The following LYST variants were observed in gnomAD, a reference collection of about 807,000 sequenced individuals.
LYST encodes the protein lysosomal trafficking regulator.
In LYST, 192 loss-of-function variants were observed where a neutral mutation model predicts 413.6. The observed-to-expected ratio is 0.46, with a 90% CI of 0.41 to 0.52. The LOEUF (loss-of-function observed/expected upper bound fraction) is 0.52. LYST is among the 20% of genes least tolerant of loss of function. LYST has a pLI of 0.00. For missense variants in LYST, 3,815 were observed against 4,499.9 expected, an observed-to-expected ratio of 0.85 and a Z score of 4.35; for synonymous variants, 1,525 against 1,567.3, an observed-to-expected ratio of 0.97 and a Z score of 0.64.
In LYST at chr1:235,741,469, G is replaced by T. The variant is rs1030857469; in HGVS notation, c.8311C>A (p.Pro2771Thr). The change falls in exon 31 of 53, where the codon CCA becomes ACA. Residue 2771 changes from proline to threonine, a missense_variant. Pro to Thr is a conservative substitution (Grantham distance 38). Around this residue, in one of 4 missense-constraint regions of LYST, gnomAD observed 771 missense variants for 837.1 expected, o/e 0.92. Transcript: ENST00000389793. ...RKQIFEIVHEPNHQEILRDCL... is the reference protein window; with the variant it reads ...RKQIFEIVHETNHQEILRDCL... The stretch of plus-strand genomic sequence containing the variant: ...TCTCGTAGTATTTCCTGATGATTTG[G>T]TTCATGAACTATTTCAAAAATTTGC... 2.9e-5 allele frequency: 46 copies of T among 1,613,954 alleles called. No homozygotes were observed. The Admixed American group carries it at 5.7e-4, about 20-fold the overall frequency.
chr1:235,863,419 GATTT>G (rs1260999323), intron 1 of LYST, among the ~76,000 whole-genome samples: 1 of 149,400 alleles, frequency 6.7e-6, no homozygotes, highest in Non-Finnish European at 1.5e-5. Flanking sequence ...AAAGGCGAAA[GATTT>G]ATACAATTTG....
At chr1:235,848,124 T>C (rs1198622572) in intron 1 of LYST, among the ~76,000 whole-genome samples, 1 of 152,172 alleles carries the variant, frequency 6.6e-6, no homozygotes, top group African/African-American at 2.4e-5. Context: ...ATAGATCATA[T>C]GACAGGCAAC....
rs867627106 is a variant in LYST at position 235,806,368 on chromosome 1, G to A, written c.2768C>T (p.Ser923Leu). ...GCTGTCATAGCCAGAAGTATCTTCTGAGTCATTGGCCGACTCCCTGTCAGA... is the reference window on the plus strand; with the variant it reads ...GCTGTCATAGCCAGAAGTATCTTCTAAGTCATTGGCCGACTCCCTGTCAGA... ...AESDRESAND[S>L]EDTSGYDSTA... The change falls in exon 6 of 53, where the codon TCA becomes TTA. Residue 923 changes from serine (S) to leucine (L), a missense_variant. By Grantham distance (145) the Ser-to-Leu change is moderately radical (BLOSUM62 -2). Transcript: ENST00000389793. The A allele has an allele frequency of 3.1e-6, 5 of 1,613,890 alleles. No individual in the cohort carries two copies. The African/African-American group carries it at 5.3e-5, about 17-fold the overall frequency.
chr1:235,866,229 G>A lies in LYST; in HGVS notation c.-98+614C>T, dbSNP rs144861545. Among the ~76,000 whole-genome samples, 16 of 152,260 alleles carry A rather than the reference G, an allele frequency of 1.1e-4. No individual in the cohort carries two copies. The East Asian group carries it at 2.9e-3, about 28-fold the overall frequency. ...GGCTCCAGTGATACCGGAGACAGAC[G>A]GCAGATGTCTCAGGGGATCCCCTGG... is the stretch of plus-strand genomic sequence containing the variant. On this transcript the variant is annotated intron_variant, in intron 1 of 52. Transcript: ENST00000389793.
chr1:235,759,314 AC>A lies in LYST; in HGVS notation c.6538del (p.Val2180SerfsTer51). On this transcript the variant is annotated frameshift_variant, in exon 23 of 53. Coordinates refer to ENST00000389793, the MANE Select transcript of LYST (RefSeq NM_000081.4). LOFTEE classifies it high-confidence loss of function. ...ACTGACAGAGACCTGGGCTGAGAGG[AC>A]AGCTTCCATTTCACAAACAGTTTTT... ...SAKTVCEMEA[V>X]LSAQVSVSDV... The A allele has an allele frequency of 6.2e-7, 1 of 1,614,198 alleles. No individual in the cohort carries two copies. The highest frequency in any genetic ancestry group is 8.5e-7 in the Non-Finnish European group (1 of 1,180,028).
chr1:235,755,414 A>G (rs187896665), intron 25 of LYST, 64 bp downstream of exon 25: 2 of 1,377,218 alleles, frequency 1.5e-6, no homozygotes, highest in African/African-American at 1.4e-5. Context: ...AAAAGAAAAG[A>G]AAAGAAAAGA....
At chr1:235,798,004 C>T (rs1015297760) in intron 10 of LYST, among the ~76,000 whole-genome samples, 2 of 151,994 alleles carry the variant, frequency 1.3e-5, no homozygotes, top group Non-Finnish European at 2.9e-5. Context: ...TACGAATGGC[C>T]AATAAGTACA....
chr1:235,757,887 T>TG (rs1667187621), intron 23 of LYST, among the ~76,000 whole-genome samples: 1 of 151,782 alleles, frequency 6.6e-6, no homozygotes, highest in Non-Finnish European at 1.5e-5. Flanking sequence ...GGAAATGTTT[T>TG]TTTTTTTTTT....
chr1:235,756,067 CTATA>C (rs1275689617), intron 24 of LYST, among the ~76,000 whole-genome samples: 66 of 146,874 alleles, frequency 4.5e-4, no homozygotes, highest in African/African-American at 1.7e-3. Flanking sequence ...ATATCTGTAT[CTATA>C]TCTATCCTAG....
intron 44 of LYST, 92 bp from the exon 45 acceptor site, chr1:235,703,069 TA>T (rs754483850): frequency 1.1e-5 from 10 of 922,552 alleles, no homozygotes; most frequent in Non-Finnish European, 1.8e-5. Context: ...CTTTGTTTTA[TA>T]TTCTAGGTTA....
intron 30 of LYST, among the ~76,000 whole-genome samples, chr1:235,742,319 G>A (rs765087143): frequency 2.0e-5 from 3 of 152,066 alleles, no homozygotes; most frequent in African/African-American, 7.2e-5. Flanking sequence ...GCTGGGTGTG[G>A]TGGTGGGTGC....
intron 43 of LYST, among the ~76,000 whole-genome samples, chr1:235,710,085 AT>A (rs1474748424): frequency 6.6e-6 from 1 of 152,248 alleles, no homozygotes; most frequent in Non-Finnish European, 1.5e-5. Flanking sequence ...CATAACAAAA[AT>A]TAAAAATGAC....
chr1:235,741,756 TA>T, intron 30 of LYST, 128 bp from the exon 31 acceptor site: 1 of 724,124 alleles, frequency 1.4e-6, no homozygotes, highest in South Asian at 1.5e-5. Flanking sequence ...TAGTCAAAAT[TA>T]GAAAGAGATA....
Position 235,697,219 on chromosome 1 carries a change from G to A in LYST, c.10428C>T (p.Pro3476=). The A allele has an allele frequency of 6.2e-7, 1 of 1,613,976 alleles. No homozygotes were observed. The highest frequency in any genetic ancestry group is 8.5e-7 in the Non-Finnish European group (1 of 1,179,902). Residue 3476 remains proline, a synonymous_variant, in exon 46 of 53, where the codon CCC becomes CCT. Transcript: ENST00000389793. Reference sequence around the variant, plus strand: ...AGCAGACCACAGGTACTGGAGCACTGGGGGAACCCACGTATTCCCCCCATT... The same window carrying A: ...AGCAGACCACAGGTACTGGAGCACTAGGGGAACCCACGTATTCCCCCCATT... The part of the protein sequence containing the change: ...GLKWGEYVGS[P]SAPVPVVCFS...
intron 5 of LYST, among the ~76,000 whole-genome samples, chr1:235,807,937 A>G (rs978948066): frequency 6.6e-6 from 1 of 152,172 alleles, no homozygotes; most frequent in African/African-American, 2.4e-5. Context: ...ACATAGTTGT[A>G]AATAAGTGAA....
chr1:235,839,905 C>T (rs1677030133), intron 1 of LYST: 1 of 152,154 alleles, frequency 6.6e-6, no homozygotes, highest in African/African-American at 2.4e-5. Context: ...CTCTCCCTTT[C>T]CTTCACATAT....
At chr1:235,789,747 C>G (rs562277178) in intron 12 of LYST, among the ~76,000 whole-genome samples, 5 of 152,030 alleles carry the variant, frequency 3.3e-5, no homozygotes, top group African/African-American at 1.2e-4. Context: ...GGCTGCTGAC[C>G]AAGATATATG....
At chr1:235,773,684 A>G (rs1331794407) in intron 19 of LYST, among the ~76,000 whole-genome samples, 158 bp downstream of exon 19, 1 of 152,240 alleles carries the variant, frequency 6.6e-6, no homozygotes, top group Non-Finnish European at 1.5e-5. Flanking sequence ...TTACAAAACA[A>G]AAAAGATTTA....
chr1:235,739,457 G>T (rs1302535820), intron 31 of LYST, among the ~76,000 whole-genome samples: 1 of 152,012 alleles, frequency 6.6e-6, no homozygotes, highest in Non-Finnish European at 1.5e-5. Flanking sequence ...TTGCATGTAT[G>T]GTGCATAATT....
Sources: allele counts gnomAD v4.1 joint callset (sites outside exome capture counted in the v4.1 genomes callset), GRCh38; gene constraint gnomAD v4.1.1; regional missense constraint gnomAD v4.1.1; transcripts MANE v1.5; gene names NCBI Gene and HGNC (gene_info 2026-07-23, HGNC 2026-07-21).